The following CPXM2 variants were observed in gnomAD, a reference collection of about 807,000 sequenced individuals.
CPXM2 encodes inactive carboxypeptidase-like protein X2.
CPXM2 carries 66 observed loss-of-function variants against 86.1 expected under a neutral mutation model. That is an observed-to-expected ratio of 0.77 (90% confidence interval 0.63 to 0.94). CPXM2 has a LOEUF of 0.94. Among genes scored for constraint, CPXM2 ranks in the 40% least tolerant of loss-of-function variants. The pLI, the probability that CPXM2 is intolerant of heterozygous loss-of-function variation, is 0.00. For synonymous variants in CPXM2, 388 were observed against 400.2 expected (o/e 0.97, Z 0.36); for missense variants, 948 against 1,026.3 (o/e 0.92, Z 1.04).
intron 2 of CPXM2, among the ~76,000 whole-genome samples, chr10:123,921,650 G>T (rs1031462966): frequency 2.0e-5 from 3 of 152,212 alleles, no homozygotes; most frequent in African/African-American, 7.2e-5. Flanking sequence ...GATAGACATG[G>T]TAGCAGAGGC....
At chr10:123,788,873 T>G (rs1329572013) in intron 6 of CPXM2, among the ~76,000 whole-genome samples, 1 of 61,558 alleles carries the variant, frequency 1.6e-5, no homozygotes, top group African/African-American at 6.3e-5. Context: ...AATTTCACCT[T>G]GATTGAAAAA....
chr10:123,791,467 T>C (rs1847205150), intron 6 of CPXM2, among the ~76,000 whole-genome samples: 1 of 152,178 alleles, frequency 6.6e-6, no homozygotes, highest in East Asian at 1.9e-4. Flanking sequence ...GTGGTCTCTC[T>C]AAAAGCTCTA....
At chr10:123,788,279 C>CAAAAAA (rs55818352) in intron 6 of CPXM2, among the ~76,000 whole-genome samples, 1 of 124,248 alleles carries the variant, frequency 8.0e-6, no homozygotes, top group African/African-American at 3.1e-5. Context: ...GACCCCATCT[C>CAAAAAA]AAAAAAAAAA....
At chr10:123,864,996 G>A (rs938749983) in intron 2 of CPXM2, among the ~76,000 whole-genome samples, 5 of 152,154 alleles carry the variant, frequency 3.3e-5, no homozygotes, top group Admixed American at 1.3e-4. Context: ...GCCCTCTCAC[G>A]GGCTGAGTTT....
Position 123,831,418 on chromosome 10 carries a change from C to T in CPXM2, c.653+10931G>A, listed in dbSNP as rs190751296. Among the ~76,000 whole-genome samples the T allele has an allele frequency of 3.1e-3, 466 of 152,336 alleles. 3 individuals are homozygous for T. Among genetic ancestry groups the T allele is most frequent in the Non-Finnish European group, 4.8e-3 (324 of 68,028 alleles). On this transcript the variant is annotated intron_variant, in intron 4 of 13. Coordinates refer to ENST00000241305, the MANE Select transcript of CPXM2 (RefSeq NM_198148.3). ...AGCTCCAGGACCCATGACCCAGTAT[C>T]GGACAGCCAGGCATAGAGGAGGCTG...
At chr10:123,823,406 T>C (rs760490144) in intron 4 of CPXM2, among the ~76,000 whole-genome samples, 1 of 152,162 alleles carries the variant, frequency 6.6e-6, no homozygotes, top group Non-Finnish European at 1.5e-5. Flanking sequence ...GATTTTTGCG[T>C]CTGTCAGAAA....
chr10:123,922,374 T>A (rs1253229423), intron 2 of CPXM2, among the ~76,000 whole-genome samples: 1 of 152,208 alleles, frequency 6.6e-6, no homozygotes, highest in Non-Finnish European at 1.5e-5. Flanking sequence ...ACATATAAAG[T>A]TCAATTTTTT....
intron 4 of CPXM2, among the ~76,000 whole-genome samples, chr10:123,826,471 A>G (rs1848049475): frequency 6.6e-6 from 1 of 152,192 alleles, no homozygotes. Context: ...AAAGGTAAAC[A>G]CTAAGAATGG....
chr10:123,870,712 G>A (rs1043649516), intron 2 of CPXM2, among the ~76,000 whole-genome samples: 1 of 152,152 alleles, frequency 6.6e-6, no homozygotes, highest in Non-Finnish European at 1.5e-5. Context: ...ACCCACCACA[G>A]GAGAGATGAT....
chr10:123,760,741 C>T (rs1043061177), intron 11 of CPXM2, among the ~76,000 whole-genome samples: 4 of 152,290 alleles, frequency 2.6e-5, no homozygotes, highest in East Asian at 1.9e-4. Flanking sequence ...CTTCCACCTG[C>T]GTAATCCTCA....
At chr10:123,854,577 C>T (rs947758399) in intron 3 of CPXM2, among the ~76,000 whole-genome samples, 1 of 150,502 alleles carries the variant, frequency 6.6e-6, no homozygotes, top group Non-Finnish European at 1.5e-5. Flanking sequence ...CTCAGTTTTC[C>T]GGCTGTAGAT....
intron 4 of CPXM2, among the ~76,000 whole-genome samples, chr10:123,820,292 C>T (rs1253357828): frequency 6.6e-6 from 1 of 152,182 alleles, no homozygotes; most frequent in Admixed American, 6.5e-5. Flanking sequence ...GCAGAGGCCA[C>T]TCTACAGAGA....
chr10:123,846,942 G>T (rs1848507809), intron 3 of CPXM2, among the ~76,000 whole-genome samples: 1 of 152,068 alleles, frequency 6.6e-6, no homozygotes, highest in Non-Finnish European at 1.5e-5. Flanking sequence ...ATACAAGCAG[G>T]CCCAGGAAAA....
At chr10:123,791,551 C>A (rs914399483) in intron 6 of CPXM2, among the ~76,000 whole-genome samples, 1 of 152,156 alleles carries the variant, frequency 6.6e-6, no homozygotes, top group Non-Finnish European at 1.5e-5. Context: ...CACATCACTC[C>A]GATCTCCACC....
intron 2 of CPXM2, among the ~76,000 whole-genome samples, chr10:123,919,795 A>T (rs1300883939): frequency 6.6e-6 from 1 of 152,202 alleles, no homozygotes; most frequent in Admixed American, 6.5e-5. Flanking sequence ...TACAAGAAGG[A>T]TGTCAGTGGT....
At chr10:123,814,991 C>T (rs1211805343) in intron 4 of CPXM2, among the ~76,000 whole-genome samples, 1 of 152,148 alleles carries the variant, frequency 6.6e-6, no homozygotes, top group Non-Finnish European at 1.5e-5. Flanking sequence ...CACCACTGCA[C>T]TCCAGCCTGG....
At chr10:123,866,905 C>T (rs934246691) in intron 2 of CPXM2, among the ~76,000 whole-genome samples, 1 of 152,174 alleles carries the variant, frequency 6.6e-6, no homozygotes, top group African/African-American at 2.4e-5. Context: ...TTATTTTTCC[C>T]TTTGATAGCC....
chr10:123,841,087 G>A (rs937748733), intron 4 of CPXM2, among the ~76,000 whole-genome samples: 1 of 152,184 alleles, frequency 6.6e-6, no homozygotes, highest in African/African-American at 2.4e-5. Context: ...TAATGTTCAC[G>A]CGTGGGGCAT....
At chr10:123,769,357 A>T (rs1219721) in intron 8 of CPXM2, 126,569 of 152,258 alleles carry the variant, frequency 0.83, 52,870 homozygotes, top group East Asian at 0.88. Flanking sequence ...GGGAGATGGC[A>T]CCAGTGCAGG....
Sources: allele counts gnomAD v4.1 joint callset (sites outside exome capture counted in the v4.1 genomes callset), GRCh38; gene constraint gnomAD v4.1.1; transcripts MANE v1.5; gene names NCBI Gene and HGNC (gene_info 2026-07-23, HGNC 2026-07-21).